DMD: variants seen among roughly 807,000 people sequenced by gnomAD.
DMD encodes the protein dystrophin, also known as mutant dystrophin.
A neutral mutation model predicts 330.1 loss-of-function variants in DMD; 63 were observed. That is an observed-to-expected ratio of 0.19 (90% CI 0.16 to 0.24). The LOEUF (loss-of-function observed/expected upper bound fraction) is 0.24. DMD is among the 10% of genes least tolerant of loss of function. The pLI is 1.00. For missense variants in DMD, 3,344 were observed against 2,684.1 expected, an observed-to-expected ratio of 1.25 and a Z score of -5.43; for synonymous variants, 1,223 against 959.8, an observed-to-expected ratio of 1.27 and a Z score of -5.07.
chrX:32,304,188 A>G (rs2097532949), intron 42 of DMD, among the ~76,000 whole-genome samples: 1 of 111,545 alleles, frequency 9.0e-6, no homozygotes, highest in Admixed American at 9.6e-5. Context: ...CCGTTTGTGA[A>G]TAAAAGGAAA....
chrX:32,215,836 A>G (rs914290848), intron 44 of DMD, among the ~76,000 whole-genome samples: 1 of 111,974 alleles, frequency 8.9e-6, no homozygotes, highest in Non-Finnish European at 1.9e-5. Context: ...ACAAATGCCA[A>G]CGCTGGTGTG....
chrX:32,730,990 T>C (rs2067536432), intron 7 of DMD, among the ~76,000 whole-genome samples: 1 of 111,634 alleles, frequency 9.0e-6, no homozygotes, highest in Non-Finnish European at 1.9e-5. Context: ...TGCATTTCCA[T>C]CTGAGGTACC....
intron 53 of DMD, among the ~76,000 whole-genome samples, chrX:31,664,301 C>G (rs1046884338): frequency 3.6e-5 from 4 of 111,449 alleles, no homozygotes; most frequent in African/African-American, 9.8e-5. Context: ...CCCACCCAAG[C>G]TGAAAATTCA....
chrX:32,595,585 A>G (rs1454258490), intron 13 of DMD, among the ~76,000 whole-genome samples, 172 bp downstream of exon 13: 2 of 112,230 alleles, frequency 1.8e-5, no homozygotes, highest in Non-Finnish European at 3.8e-5. Context: ...TATCAGAATT[A>G]TGGAATTCTT....
intron 16 of DMD, among the ~76,000 whole-genome samples, chrX:32,560,306 C>A (rs868429115): frequency 2.7e-5 from 3 of 110,667 alleles, no homozygotes; most frequent in Non-Finnish European, 3.8e-5. Flanking sequence ...TTACAATTAG[C>A]ATACCAAATT....
At chrX:31,136,679 C>G (rs2035282067) in intron 76 of DMD, among the ~76,000 whole-genome samples, 1 of 112,364 alleles carries the variant, frequency 8.9e-6, no homozygotes, top group Non-Finnish European at 1.9e-5. Flanking sequence ...TGTTAAAATT[C>G]AGGTACAGTT....
At chrX:31,962,356 T>C (rs1200198413) in intron 45 of DMD, among the ~76,000 whole-genome samples, 7 of 112,102 alleles carry the variant, frequency 6.2e-5, no homozygotes, top group Middle Eastern at 4.7e-3. Flanking sequence ...GGACAGGTGC[T>C]GCAAACTGAG....
At chrX:32,110,650 T>C (rs757155173) in intron 44 of DMD, among the ~76,000 whole-genome samples, 1 of 111,229 alleles carries the variant, frequency 9.0e-6, no homozygotes, top group Non-Finnish European at 1.9e-5. Flanking sequence ...GCTAATGGCT[T>C]CAGTTCCACA....
intron 4 of DMD, among the ~76,000 whole-genome samples, chrX:32,828,618 T>C (rs111568350): frequency 1.8e-5 from 2 of 108,336 alleles, no homozygotes; most frequent in African/African-American, 6.9e-5. Flanking sequence ...TGTATACATC[T>C]ATACACATAT....
At chrX:31,850,810 A>G (rs1363627186) in intron 48 of DMD, among the ~76,000 whole-genome samples, 1 of 112,560 alleles carries the variant, frequency 8.9e-6, no homozygotes, top group African/African-American at 3.2e-5. Flanking sequence ...CTGCAGCAAG[A>G]GCTGACAATT....
At chrX:33,293,662 G>A (rs908365199) in intron 1 of DMD, among the ~76,000 whole-genome samples, 2 of 111,056 alleles carry the variant, frequency 1.8e-5, no homozygotes, top group African/African-American at 6.5e-5. Flanking sequence ...GCCCTCTCTC[G>A]ATACCTGCCT....
rs190073316 is a variant in DMD at position 31,173,608 on chromosome X, T to C, written c.10263-4A>G. 3 of 1,207,035 alleles carry C rather than the reference T, an allele frequency of 2.5e-6. No homozygotes were observed. Among genetic ancestry groups the C allele is most frequent in the Admixed American group, 2.2e-5 (1 of 45,702 alleles). On this transcript the variant is annotated splice_polypyrimidine_tract_variant and splice_region_variant and intron_variant, in intron 71 of 78. Coordinates refer to ENST00000357033, the MANE Select transcript of DMD (RefSeq NM_004006.3). ...AAGCTGAGGGGACGAGGCAGGCCTA[T>C]AAGGCAGAAAATGTGATTAGTCACA...
In DMD at chrX:32,089,798, G is replaced by T. The variant is rs539657265; in HGVS notation, c.6439-121284C>A. Among the ~76,000 whole-genome samples the T allele has an allele frequency of 4.5e-5, 5 of 111,958 alleles. No homozygotes were observed. In the East Asian group the frequency reaches 8.5e-4, roughly 19 times the overall value. The stretch of plus-strand genomic sequence containing the variant: ...GGTAGAATGATTTCTATTCCTCTGG[G>T]TATATGCCCAATAATGGGATTGCTG... On this transcript the variant is annotated intron_variant, in intron 44 of 78. Transcript: ENST00000357033.
At chrX:32,970,804 T>A (rs1181292124) in intron 2 of DMD, among the ~76,000 whole-genome samples, 2 of 94,560 alleles carry the variant, frequency 2.1e-5, no homozygotes, top group Admixed American at 2.1e-4. Flanking sequence ...ATTTAACAGT[T>A]TAAAATATTA....
intron 76 of DMD, among the ~76,000 whole-genome samples, chrX:31,137,844 C>A (rs977764091): frequency 2.7e-5 from 3 of 111,170 alleles, no homozygotes; most frequent in African/African-American, 9.8e-5. Context: ...TGATGAGATG[C>A]AGTTGAGCAA....
intron 7 of DMD, among the ~76,000 whole-genome samples, chrX:32,745,830 G>A (rs766787064): frequency 8.0e-5 from 9 of 111,914 alleles, no homozygotes; most frequent in Non-Finnish European, 1.7e-4. Context: ...TCATATAGTC[G>A]AAGACTTTTC....
chrX:33,153,868 C>T (rs940855334), intron 1 of DMD, among the ~76,000 whole-genome samples: 8 of 111,924 alleles, frequency 7.1e-5, no homozygotes, highest in Non-Finnish European at 1.5e-4. Context: ...CAGAAAGGCA[C>T]AGACATCTTC....
At chrX:32,592,797 A>G (rs764755515) in intron 13 of DMD, among the ~76,000 whole-genome samples, 3 of 111,960 alleles carry the variant, frequency 2.7e-5, no homozygotes, top group African/African-American at 9.7e-5. Flanking sequence ...ATGCTGTAAC[A>G]TGCTCCTTGG....
chrX:32,554,334 T>G (rs1489717810), intron 16 of DMD, among the ~76,000 whole-genome samples: 1 of 110,723 alleles, frequency 9.0e-6, no homozygotes, highest in African/African-American at 3.3e-5. Context: ...AGCTGGTTTT[T>G]GGAAAAAAAT....
Sources: allele counts gnomAD v4.1 joint callset (sites outside exome capture counted in the v4.1 genomes callset), GRCh38; gene constraint gnomAD v4.1.1; transcripts MANE v1.5; gene names NCBI Gene and HGNC (gene_info 2026-07-23, HGNC 2026-07-21).